The following DRC5 variants were observed in gnomAD, a reference collection of about 807,000 sequenced individuals.
DRC5 encodes dynein regulatory complex subunit 5.
chr6:44,284,802 G>A, the DRC5 span, among the ~76,000 whole-genome samples: 1 of 152,166 alleles, frequency 6.6e-6, no homozygotes, highest in Middle Eastern at 3.2e-3. Flanking sequence ...TCGCTGAAAT[G>A]ACCCTCACCC....
the DRC5 span, chr6:44,278,986 C>G: frequency 6.6e-6 from 1 of 152,266 alleles, no homozygotes; most frequent in Non-Finnish European, 1.5e-5. Context: ...CACATGCAGT[C>G]ACTCCCAAGC....
At chr6:44,292,799 C>T in the DRC5 span, among the ~76,000 whole-genome samples, 5 of 152,196 alleles carry the variant, frequency 3.3e-5, no homozygotes, top group South Asian at 2.1e-4. Context: ...GGTCTGTTTG[C>T]GGTGGGAGGG....
the DRC5 span, chr6:44,287,184 C>G: frequency 1.0e-6 from 1 of 985,000 alleles, no homozygotes; most frequent in African/African-American, 1.7e-5. Flanking sequence ...AACCAAGAGC[C>G]CTTACATGGC....
chr6:44,288,903 ACAAT>A, the DRC5 span, among the ~76,000 whole-genome samples: 2 of 147,566 alleles, frequency 1.4e-5, no homozygotes, highest in African/African-American at 5.0e-5. Context: ...CTGAGGCATG[ACAAT>A]CAGTTAAACC....
chr6:44,288,641 G>A, the DRC5 span, among the ~76,000 whole-genome samples: 1 of 152,176 alleles, frequency 6.6e-6, no homozygotes, highest in South Asian at 2.1e-4. Flanking sequence ...TATAATGCAA[G>A]CCAAAATGCA....
chr6:44,288,267 A>G, the DRC5 span, among the ~76,000 whole-genome samples: 3 of 152,176 alleles, frequency 2.0e-5, no homozygotes, highest in African/African-American at 7.2e-5. Context: ...CAATCTTTTT[A>G]GTTCTTTATG....
At chr6:44,280,987 T>TA in the DRC5 span, among the ~76,000 whole-genome samples, 1 of 152,226 alleles carries the variant, frequency 6.6e-6, no homozygotes, top group African/African-American at 2.4e-5. Flanking sequence ...TTAAGCTTTT[T>TA]ATTACTTGCA....
the DRC5 span, chr6:44,287,504 C>A: frequency 6.4e-7 from 1 of 1,560,490 alleles, no homozygotes; most frequent in Non-Finnish European, 8.7e-7. Flanking sequence ...CACCTAGCCC[C>A]CCTCTTGGCC....
At chr6:44,283,398 A>T in the DRC5 span, among the ~76,000 whole-genome samples, 2 of 152,272 alleles carry the variant, frequency 1.3e-5, no homozygotes, top group African/African-American at 4.8e-5. Flanking sequence ...AAAGGATGAG[A>T]TAAAGGAATG....
chr6:44,287,345 G>T, the DRC5 span: 1 of 632,452 alleles, frequency 1.6e-6, no homozygotes, highest in Non-Finnish European at 2.0e-6. Context: ...GTGGGAGTCT[G>T]GTGGGACCTG....
chr6:44,280,610 T>C, the DRC5 span, among the ~76,000 whole-genome samples: 1 of 152,258 alleles, frequency 6.6e-6, no homozygotes, highest in Admixed American at 6.5e-5. Context: ...TTGAAAAACA[T>C]GAATCTCTGG....
the DRC5 span, among the ~76,000 whole-genome samples, chr6:44,288,276 T>C: frequency 3.8e-3 from 585 of 152,316 alleles, 1 homozygote; most frequent in Middle Eastern, 0.01. Flanking sequence ...TAGTTCTTTA[T>C]GCCTATTAAT....
At chr6:44,286,625 CAA>C in the DRC5 span, 6 of 1,145,840 alleles carry the variant, frequency 5.2e-6, no homozygotes, top group Non-Finnish European at 7.5e-6. Flanking sequence ...GAGCACCAGG[CAA>C]AGGAGAGACC....
chr6:44,282,773 AT>A, the DRC5 span, among the ~76,000 whole-genome samples: 1 of 144,634 alleles, frequency 6.9e-6, no homozygotes, highest in East Asian at 2.1e-4. Context: ...CATGCTGGGT[AT>A]GCTGCTTGGG....
chr6:44,289,762 A>G, the DRC5 span, among the ~76,000 whole-genome samples: 1 of 151,712 alleles, frequency 6.6e-6, no homozygotes, highest in Admixed American at 6.6e-5. Flanking sequence ...TGGTCCGGGG[A>G]CCCTCCCCCA....
At chr6:44,281,632 A>C in the DRC5 span, among the ~76,000 whole-genome samples, 1 of 152,180 alleles carries the variant, frequency 6.6e-6, no homozygotes, top group Non-Finnish European at 1.5e-5. Context: ...TGATCTACCC[A>C]CCTCAGCCTC....
At chr6:44,296,612 G>T in the DRC5 span, among the ~76,000 whole-genome samples, 1 of 146,048 alleles carries the variant, frequency 6.8e-6, no homozygotes, top group African/African-American at 2.5e-5. Context: ...CACAGTTCTG[G>T]TCCTCAACTG....
At chr6:44,296,444 C>A in the DRC5 span, among the ~76,000 whole-genome samples, 4 of 152,206 alleles carry the variant, frequency 2.6e-5, no homozygotes, top group East Asian at 3.8e-4. Flanking sequence ...TGCTCTCCTG[C>A]CCCTGGCATA....
At chr6:44,297,188 A>C in the DRC5 span, among the ~76,000 whole-genome samples, 1 of 152,130 alleles carries the variant, frequency 6.6e-6, no homozygotes. Context: ...TTGGTAACCC[A>C]GGGAAACCGG....
Sources: gnomAD v4.1 joint callset for allele counts (sites outside exome capture counted in the v4.1 genomes callset) on GRCh38, gnomAD v4.1.1 for gene constraint, MANE v1.5 for transcripts, NCBI Gene and HGNC (gene_info 2026-07-23, HGNC 2026-07-21) for gene names.